ADAM32: variants seen among roughly 807,000 people sequenced by gnomAD.
ADAM32 encodes the protein ADAM metallopeptidase domain 32, also known as disintegrin and metalloproteinase domain-containing protein 32.
ADAM32 carries 89 observed loss-of-function variants against 114.9 expected under a neutral mutation model. That is an observed-to-expected ratio of 0.77 (90% CI 0.65 to 0.92). ADAM32 has a LOEUF of 0.92. ADAM32 is among the 40% of genes least tolerant of loss of function. The probability of loss-of-function intolerance (pLI) is 0.00; values close to 1 mark genes in which losing one functional copy is unlikely to be tolerated. For missense variants in ADAM32, 870 were observed against 932.8 expected (o/e 0.93, Z 0.88); for synonymous variants, 285 against 307.5 (o/e 0.93, Z 0.77).
intron 1 of ADAM32, 129 bp downstream of exon 1, chr8:39,107,962 A>G: frequency 1.5e-5 from 19 of 1,249,932 alleles, no homozygotes; most frequent in Non-Finnish European, 2.0e-5. Flanking sequence ...GGCCTTTTCC[A>G]GGGGATTAGG....
chr8:39,166,230 T>C (rs1804828737), intron 9 of ADAM32: 1 of 152,142 alleles, frequency 6.6e-6, no homozygotes, highest in Admixed American at 6.5e-5. Context: ...CCACAGTCCA[T>C]TGTATCATTC....
At chr8:39,175,526 C>G (rs1031057184) in intron 10 of ADAM32, among the ~76,000 whole-genome samples, 1 of 152,164 alleles carries the variant, frequency 6.6e-6, no homozygotes, top group Admixed American at 6.5e-5. Flanking sequence ...GGGGACGAAG[C>G]CAACTTGATC....
chr8:39,216,813 A>G (rs377378248), intron 12 of ADAM32, among the ~76,000 whole-genome samples: 2 of 151,852 alleles, frequency 1.3e-5, no homozygotes, highest in Non-Finnish European at 2.9e-5. Context: ...TATGTCTTGA[A>G]AAGTTGTAGT....
At chr8:39,267,821 A>G (rs1337446631) in intron 19 of ADAM32, among the ~76,000 whole-genome samples, 2 of 152,270 alleles carry the variant, frequency 1.3e-5, no homozygotes, top group East Asian at 3.9e-4. Context: ...CACTGGTGGG[A>G]AGGTGGGAAG....
At chr8:39,248,451 A>G (rs1431521357) in intron 17 of ADAM32, among the ~76,000 whole-genome samples, 1 of 152,146 alleles carries the variant, frequency 6.6e-6, no homozygotes, top group East Asian at 1.9e-4. Context: ...GGGGGGGCTA[A>G]TGCAAATAGT....
At chr8:39,146,705 C>G (rs1462018048) in intron 3 of ADAM32, among the ~76,000 whole-genome samples, 1 of 152,224 alleles carries the variant, frequency 6.6e-6, no homozygotes, top group Non-Finnish European at 1.5e-5. Context: ...GCCACCACGT[C>G]CAGCCTCTTT....
intron 14 of ADAM32, chr8:39,223,566 G>T (rs2129448889): frequency 6.4e-6 from 1 of 156,360 alleles, no homozygotes; most frequent in East Asian, 1.8e-4. Flanking sequence ...TTTGATATAT[G>T]TATACATTGT....
At chr8:39,225,682 C>A (rs1043533354) in intron 14 of ADAM32, among the ~76,000 whole-genome samples, 4 of 152,184 alleles carry the variant, frequency 2.6e-5, no homozygotes, top group Non-Finnish European at 5.9e-5. Context: ...TTAATGTTGA[C>A]CTCAGCTGAC....
chr8:39,204,478 C>G (rs1807676195), intron 11 of ADAM32, among the ~76,000 whole-genome samples: 1 of 152,154 alleles, frequency 6.6e-6, no homozygotes, highest in Non-Finnish European at 1.5e-5. Flanking sequence ...GTTTTCAGCT[C>G]CATCAGGTCA....
chr8:39,277,254 A>T (rs561833231), intron 22 of ADAM32, among the ~76,000 whole-genome samples: 1 of 152,372 alleles, frequency 6.6e-6, no homozygotes, highest in Non-Finnish European at 1.5e-5. Flanking sequence ...TGTACATTTC[A>T]ATAGACATCG....
At chr8:39,224,460 A>T (rs951475850) in intron 14 of ADAM32, among the ~76,000 whole-genome samples, 1 of 152,138 alleles carries the variant, frequency 6.6e-6, no homozygotes, top group Non-Finnish European at 1.5e-5. Context: ...TTTGACAATA[A>T]TCATTCTAAC....
intron 3 of ADAM32, among the ~76,000 whole-genome samples, chr8:39,140,542 G>C (rs571517993): frequency 1.0e-3 from 152 of 152,258 alleles, no homozygotes; most frequent in African/African-American, 3.4e-3. Flanking sequence ...ATGTGCTGCT[G>C]GATTCAGTTT....
chr8:39,259,888 G>T (rs1585667755), intron 19 of ADAM32, among the ~76,000 whole-genome samples: 2 of 152,216 alleles, frequency 1.3e-5, no homozygotes, highest in East Asian at 3.9e-4. Flanking sequence ...AATGGTATCG[G>T]TACAATACTT....
chr8:39,109,066 C>A (rs1233786707), intron 1 of ADAM32, among the ~76,000 whole-genome samples: 1 of 152,172 alleles, frequency 6.6e-6, no homozygotes, highest in South Asian at 2.1e-4. Flanking sequence ...GGGATACATT[C>A]AGTTCATAAC....
chr8:39,136,513 G>A (rs1373928081), intron 2 of ADAM32, 144 bp from the exon 3 acceptor site: 9 of 545,300 alleles, frequency 1.7e-5, no homozygotes, highest in Non-Finnish European at 2.8e-5. Flanking sequence ...TTGATGTGTT[G>A]TTGCACATTT....
intron 9 of ADAM32, chr8:39,165,952 T>C (rs1804807112): frequency 6.6e-6 from 1 of 152,198 alleles, no homozygotes; most frequent in African/African-American, 2.4e-5. Context: ...GTTGATCATT[T>C]GTATCTGTCC....
At chr8:39,273,256 A>T (rs1554629286) in intron 20 of ADAM32, among the ~76,000 whole-genome samples, 1 of 152,162 alleles carries the variant, frequency 6.6e-6, no homozygotes, top group Non-Finnish European at 1.5e-5. Context: ...CTGTAATCCC[A>T]GCACTTTGAG....
In ADAM32 at chr8:39,233,852, A is replaced by G. The variant is rs368168695; in HGVS notation, c.1635-47A>G. 50 of 1,199,902 alleles carry G rather than the reference A, an allele frequency of 4.2e-5. No homozygotes were observed. In the African/African-American group the frequency reaches 7.4e-4, roughly 18 times the overall value. The allele number at this position is 1,199,902 out of a possible 1,614,324, so 74.3% of individuals were successfully genotyped here. A position where few individuals can be genotyped will look rare whatever the true frequency, so the allele number is the denominator to read the frequency against. On this transcript the variant is annotated intron_variant, in intron 15 of 24. Coordinates refer to ENST00000379907, the MANE Select transcript of ADAM32 (RefSeq NM_145004.7). ...AGAAAGCAAATCCAAAGCATTCCTA[A>G]TAAATTCCTAATGTATAATAATCAT...
At chr8:39,164,323 T>C (rs1804696263) in intron 7 of ADAM32, among the ~76,000 whole-genome samples, 1 of 152,248 alleles carries the variant, frequency 6.6e-6, no homozygotes, top group African/African-American at 2.4e-5. Flanking sequence ...TGTTTCTTTT[T>C]ATTGCTGAGT....
Sources: allele counts gnomAD v4.1 joint callset (sites outside exome capture counted in the v4.1 genomes callset), GRCh38; gene constraint gnomAD v4.1.1; transcripts MANE v1.5; gene names NCBI Gene and HGNC (gene_info 2026-07-23, HGNC 2026-07-21).